The following LIMS1 variants were observed in gnomAD, a reference collection of about 807,000 sequenced individuals.
LIMS1 encodes LIM zinc finger domain containing 1, also known as LIM and senescent cell antigen-like-containing domain protein 1.
Under a neutral mutation model 44.1 loss-of-function variants are expected in LIMS1, and 18 were observed. The ratio of observed to expected loss-of-function variants is 0.41; its 90% CI spans 0.28 to 0.61. The LOEUF (loss-of-function observed/expected upper bound fraction) is 0.61, where lower values mean the gene tolerates loss of function less well. LIMS1 is among the 20% of genes least tolerant of loss of function. The probability of loss-of-function intolerance (pLI) is 0.32; values close to 1 mark genes in which losing one functional copy is unlikely to be tolerated. For missense variants in LIMS1, 201 were observed against 422.0 expected, an observed-to-expected ratio of 0.48 and a Z score of 4.59; for synonymous variants, 93 against 149.1, an observed-to-expected ratio of 0.62 and a Z score of 2.74.
At chr2:108,659,653 C>G in exon 2 of LIMS1, 1 of 1,612,164 alleles carries the variant, frequency 6.2e-7, no homozygotes, top group South Asian at 1.1e-5. Flanking sequence ...GCTGCAAGGG[C>G]GGCTTTGCGC....
At chr2:108,588,846 T>C (rs190725759) in intron 1 of LIMS1, among the ~76,000 whole-genome samples, 5 of 152,332 alleles carry the variant, frequency 3.3e-5, no homozygotes, top group Admixed American at 2.6e-4. Context: ...TATTGAAATA[T>C]GTGAAAACTT....
intron 1 of LIMS1, among the ~76,000 whole-genome samples, chr2:108,535,272 G>C (rs1250257312): frequency 6.6e-6 from 1 of 152,228 alleles, no homozygotes; most frequent in Non-Finnish European, 1.5e-5. Context: ...AGTGAGTACT[G>C]TCTTAATAGC....
intron 2 of LIMS1, chr2:108,660,437 T>C: frequency 2.5e-6 from 1 of 394,610 alleles, no homozygotes; most frequent in Non-Finnish European, 4.9e-6. Context: ...TGTTTTTTAT[T>C]GTTTTGTTTT....
intron 1 of LIMS1, chr2:108,659,273 A>G (rs1691152554): frequency 2.3e-6 from 1 of 438,586 alleles, no homozygotes; most frequent in African/African-American, 2.1e-5. Flanking sequence ...TATAAACCCA[A>G]TTCCTTGAGA....
intron 1 of LIMS1, among the ~76,000 whole-genome samples, chr2:108,562,805 C>T (rs529940584): frequency 1.3e-5 from 2 of 152,290 alleles, no homozygotes; most frequent in Admixed American, 1.3e-4. Flanking sequence ...ACAAAATAGC[C>T]TTCTGTTGGG....
intron 1 of LIMS1, among the ~76,000 whole-genome samples, chr2:108,629,278 A>G (rs1415265546): frequency 6.6e-6 from 1 of 152,216 alleles, no homozygotes; most frequent in East Asian, 1.9e-4. Flanking sequence ...CCATGTTCGG[A>G]TGGAAAGAAG....
intron 1 of LIMS1, among the ~76,000 whole-genome samples, chr2:108,560,096 G>T (rs1685062094): frequency 6.6e-6 from 1 of 152,176 alleles, no homozygotes; most frequent in Non-Finnish European, 1.5e-5. Flanking sequence ...CTCAGGGCCA[G>T]CAGATGATGG....
At chr2:108,619,754 C>G (rs1688137798) in intron 1 of LIMS1, among the ~76,000 whole-genome samples, 1 of 152,146 alleles carries the variant, frequency 6.6e-6, no homozygotes, top group South Asian at 2.1e-4. Flanking sequence ...GTTTCTATTA[C>G]TGTAAACTAA....
rs1220710720 is a variant in LIMS1, at chr2:108,676,590, A to T, written c.682-16A>T. 23 of 1,555,952 alleles carry T rather than the reference A, an allele frequency of 1.5e-5. 1 individual carries two copies. In the East Asian group the frequency reaches 4.9e-4, roughly 33 times the overall value. On this transcript the variant is annotated splice_polypyrimidine_tract_variant and intron_variant, in intron 6 of 9. Coordinates refer to ENST00000544547, the Ensembl canonical transcript of LIMS1. Reference sequence around the variant, plus strand: ...ATATGGCAATTCAAAAATGACCTATAGCAATTTTTTTTCAGCATTTTGTTT... The same window carrying T: ...ATATGGCAATTCAAAAATGACCTATTGCAATTTTTTTTCAGCATTTTGTTT...
At chr2:108,552,952 A>G (rs2104594780) in intron 1 of LIMS1, among the ~76,000 whole-genome samples, 1 of 152,304 alleles carries the variant, frequency 6.6e-6, no homozygotes, top group African/African-American at 2.4e-5. Flanking sequence ...GGGAAAATGA[A>G]GGATATTAAT....
At chr2:108,608,911 A>T (rs531551046) in intron 1 of LIMS1, among the ~76,000 whole-genome samples, 1 of 152,336 alleles carries the variant, frequency 6.6e-6, no homozygotes, top group South Asian at 2.1e-4. Flanking sequence ...TATTACCGTC[A>T]TTACTGCCAC....
At chr2:108,581,410 G>A (rs1685880797) in intron 1 of LIMS1, among the ~76,000 whole-genome samples, 1 of 152,168 alleles carries the variant, frequency 6.6e-6, no homozygotes, top group Admixed American at 6.5e-5. Flanking sequence ...ACGTTTCCCA[G>A]TAAATACTTG....
At chr2:108,624,672 G>A (rs1331116646) in intron 1 of LIMS1, among the ~76,000 whole-genome samples, 4 of 152,182 alleles carry the variant, frequency 2.6e-5, no homozygotes, top group Admixed American at 1.3e-4. Flanking sequence ...CAGGAGAATC[G>A]TTTGAACCCA....
chr2:108,639,919 A>G (rs1172303945), intron 1 of LIMS1, among the ~76,000 whole-genome samples: 1 of 152,234 alleles, frequency 6.6e-6, no homozygotes, highest in Non-Finnish European at 1.5e-5. Flanking sequence ...CCAAAACAGT[A>G]CAGTTCAGTG....
intron 1 of LIMS1, among the ~76,000 whole-genome samples, chr2:108,558,498 C>G (rs1685003611): frequency 6.6e-6 from 1 of 151,478 alleles, no homozygotes; most frequent in African/African-American, 2.4e-5. Flanking sequence ...TGTGAGCCAC[C>G]ACACCGGGAC....
intron 1 of LIMS1, 150 bp from the exon 2 acceptor site, chr2:108,659,455 A>G: frequency 1.4e-6 from 2 of 1,422,272 alleles, no homozygotes; most frequent in Non-Finnish European, 1.9e-6. Flanking sequence ...AGTTCAGAGC[A>G]TGTAAGGAAC....
intron 1 of LIMS1, chr2:108,621,562 T>G: frequency 1.2e-6 from 1 of 820,260 alleles, no homozygotes; most frequent in Non-Finnish European, 2.1e-6. Flanking sequence ...AAGTACTCAT[T>G]GAAAAGTAGC....
At chr2:108,638,282 C>T (rs190099716) in intron 1 of LIMS1, among the ~76,000 whole-genome samples, 27 of 152,318 alleles carry the variant, frequency 1.8e-4, no homozygotes, top group East Asian at 1.3e-3. Context: ...AAAGTTACGC[C>T]AAAGGCAACG....
chr2:108,603,417 G>A (rs1687114619), intron 1 of LIMS1, among the ~76,000 whole-genome samples: 1 of 150,964 alleles, frequency 6.6e-6, no homozygotes, highest in South Asian at 2.1e-4. Context: ...CGATTTATTG[G>A]CATATAGTTG....
Sources: allele counts gnomAD v4.1 joint callset (sites outside exome capture counted in the v4.1 genomes callset), GRCh38; gene constraint gnomAD v4.1.1; transcripts MANE v1.5; gene names NCBI Gene and HGNC (gene_info 2026-07-23, HGNC 2026-07-21).